TAOK1: variants seen among roughly 807,000 people sequenced by gnomAD.
TAOK1 encodes serine/threonine-protein kinase TAO1.
A neutral mutation model predicts 138.3 loss-of-function variants in TAOK1; 21 were observed. The ratio of observed to expected loss-of-function variants is 0.15; its 90% confidence interval spans 0.11 to 0.22. The LOEUF is 0.22. Ranked by LOEUF, TAOK1 falls within the 10% of genes least tolerant of loss-of-function variation. The pLI is 1.00. For synonymous variants in TAOK1, 361 were observed against 398.4 expected (o/e 0.91, Z 1.12); for missense variants, 651 against 1,227.7 (o/e 0.53, Z 7.02).
At chr17:29,427,307 G>A (rs1489056900) in intron 1 of TAOK1, among the ~76,000 whole-genome samples, 1 of 152,094 alleles carries the variant, frequency 6.6e-6, no homozygotes, top group Non-Finnish European at 1.5e-5. Flanking sequence ...GTGCTTTAGA[G>A]ATCTTGGCTA....
chr17:29,427,947 GAAT>G lies in TAOK1; in HGVS notation c.-94-23504_-94-23502del, dbSNP rs1241361427. 1.2e-3 allele frequency among the ~76,000 whole-genome samples: 184 copies of G among 147,554 alleles called. 1 individual carries two copies. The highest frequency in any genetic ancestry group is 4.2e-3 in the African/African-American group (169 of 40,070). On this transcript the variant is annotated intron_variant, in intron 1 of 19. Coordinates refer to ENST00000261716, the MANE Select transcript of TAOK1 (RefSeq NM_020791.4). ...TCTCAAAAAAAAAAAAAAAAAAGAAGAATAATTTTATTATAAGACTATTAAGTT... is the reference window on the plus strand; with the variant it reads ...TCTCAAAAAAAAAAAAAAAAAAGAAGAATTTTATTATAAGACTATTAAGTT...
At chr17:29,530,686 C>A in intron 18 of TAOK1, 67 bp downstream of exon 18, 3 of 1,298,422 alleles carry the variant, frequency 2.3e-6, no homozygotes, top group Non-Finnish European at 3.4e-6. Flanking sequence ...TGAACGAAAT[C>A]ACAGCAATTA....
At chr17:29,517,975 C>A (rs1483496797) in intron 16 of TAOK1, among the ~76,000 whole-genome samples, 1 of 152,130 alleles carries the variant, frequency 6.6e-6, no homozygotes, top group Admixed American at 6.5e-5. Context: ...CGTGCCTCAG[C>A]CTCCCAAATA....
chr17:29,482,723 GAT>G (rs766574098), intron 8 of TAOK1, among the ~76,000 whole-genome samples: 6 of 148,496 alleles, frequency 4.0e-5, no homozygotes, highest in Non-Finnish European at 7.4e-5. Flanking sequence ...GTAACAGTTT[GAT>G]ATATATATAT....
At chr17:29,454,645 AT>A (rs2030329199) in intron 2 of TAOK1, among the ~76,000 whole-genome samples, 1 of 152,140 alleles carries the variant, frequency 6.6e-6, no homozygotes. Flanking sequence ...ATTATTTTGC[AT>A]TTAGTTGCAA....
At position 29,550,131 on chromosome 17, in the gene TAOK1, G is replaced by A. The variant is rs1373837435; in HGVS notation, c.*7109G>A. ...CCAAGAAAAGAGAAGGATGTGTGGGGTTTCTATTAGAAGATAATTTTGTTC... is the reference window on the plus strand; with the variant it reads ...CCAAGAAAAGAGAAGGATGTGTGGGATTTCTATTAGAAGATAATTTTGTTC... On this transcript the variant is annotated 3_prime_UTR_variant, in exon 20 of 20. Coordinates refer to ENST00000261716, the MANE Select transcript of TAOK1 (RefSeq NM_020791.4). The A allele has an allele frequency of 6.6e-6, 1 of 152,152 alleles. No homozygotes were observed. The highest frequency in any genetic ancestry group is 1.5e-5 in the Non-Finnish European group (1 of 68,020). 9.4% of individuals were successfully genotyped at this position (152,152 alleles called of 1,614,324 possible).
rs2032389735 is a variant in TAOK1, at chr17:29,545,613, T to A, written c.*2591T>A. ...TAAGTTAACTTTAAAGTATATACAG[T>A]TTGCAAAAAATGATTCAAATTAATT... On this transcript the variant is annotated 3_prime_UTR_variant, in exon 20 of 20. Transcript: ENST00000261716. 6.6e-6 allele frequency: 1 copy of A among 152,076 alleles called. No homozygotes were observed. The highest frequency in any genetic ancestry group is 1.5e-5 in the Non-Finnish European group (1 of 67,992). The allele number at this position is 152,076 out of a possible 1,614,324, so 9.4% of individuals were successfully genotyped here.
intron 2 of TAOK1, among the ~76,000 whole-genome samples, chr17:29,463,166 C>T (rs1598491328): frequency 6.6e-6 from 1 of 151,972 alleles, no homozygotes; most frequent in Non-Finnish European, 1.5e-5. Flanking sequence ...TGTATTGTAT[C>T]TACATATATT....
chr17:29,499,334 C>T (rs955325351), intron 12 of TAOK1, among the ~76,000 whole-genome samples: 17 of 149,872 alleles, frequency 1.1e-4, no homozygotes, highest in African/African-American at 3.4e-4. Context: ...CAGTTTCAAG[C>T]GATCCTCCTG....
chr17:29,484,646 C>T (rs1598501317), intron 8 of TAOK1, among the ~76,000 whole-genome samples: 1 of 151,878 alleles, frequency 6.6e-6, no homozygotes, highest in East Asian at 1.9e-4. Flanking sequence ...GCTCTGTTGT[C>T]CAGGCTGGAG....
At chr17:29,536,022 G>C (rs1373305050) in intron 19 of TAOK1, among the ~76,000 whole-genome samples, 6 of 152,162 alleles carry the variant, frequency 3.9e-5, no homozygotes, top group Non-Finnish European at 8.8e-5. Context: ...GCCAGGCACA[G>C]TGGCTCACGC....
chr17:29,395,848 T>G (rs1000267356), intron 1 of TAOK1, among the ~76,000 whole-genome samples: 1 of 144,752 alleles, frequency 6.9e-6, no homozygotes, highest in African/African-American at 2.6e-5. Flanking sequence ...TTTTTTTTTT[T>G]GTAGAGATGG....
chr17:29,437,256 G>T, intron 1 of TAOK1, among the ~76,000 whole-genome samples: 1 of 151,826 alleles, frequency 6.6e-6, no homozygotes, highest in East Asian at 1.9e-4. Flanking sequence ...TAAAGACGGG[G>T]TTACACCATG....
At chr17:29,441,004 G>A (rs546686441) in intron 1 of TAOK1, among the ~76,000 whole-genome samples, 1 of 152,106 alleles carries the variant, frequency 6.6e-6, no homozygotes, top group Non-Finnish European at 1.5e-5. Context: ...CTTTTCATAT[G>A]TTGAATCACC....
chr17:29,442,412 C>G (rs563048073), intron 1 of TAOK1, among the ~76,000 whole-genome samples: 1 of 141,890 alleles, frequency 7.0e-6, no homozygotes, highest in Admixed American at 7.1e-5. Context: ...TTAACATTTT[C>G]TATTTCACTT....
intron 12 of TAOK1, 142 bp downstream of exon 12, chr17:29,498,663 A>G: frequency 1.1e-6 from 1 of 920,052 alleles, no homozygotes; most frequent in Non-Finnish European, 1.6e-6. Context: ...CATGCCTGTA[A>G]TCCCAGCACT....
At chr17:29,540,230 A>T (rs753417268) in intron 19 of TAOK1, among the ~76,000 whole-genome samples, 7 of 152,244 alleles carry the variant, frequency 4.6e-5, no homozygotes, top group Non-Finnish European at 1.0e-4. Flanking sequence ...GGACTTAAAC[A>T]TGGAATATTC....
chr17:29,413,684 A>T (rs755346028), intron 1 of TAOK1, among the ~76,000 whole-genome samples: 1 of 152,126 alleles, frequency 6.6e-6, no homozygotes, highest in African/African-American at 2.4e-5. Flanking sequence ...TAGCTACTGT[A>T]TGTATGTTCC....
chr17:29,412,996 TAA>T (rs1438235008), intron 1 of TAOK1, among the ~76,000 whole-genome samples: 8 of 152,156 alleles, frequency 5.3e-5, no homozygotes, highest in African/African-American at 1.9e-4. Context: ...ATTCATATCT[TAA>T]TTGGGTCTTC....
Sources: allele counts gnomAD v4.1 joint callset (sites outside exome capture counted in the v4.1 genomes callset), GRCh38; gene constraint gnomAD v4.1.1; transcripts MANE v1.5; gene names NCBI Gene and HGNC (gene_info 2026-07-23, HGNC 2026-07-21).